MCPH1: variants seen among roughly 807,000 people sequenced by gnomAD.
MCPH1 encodes the protein microcephalin 1.
Under a neutral mutation model 84.5 loss-of-function variants are expected in MCPH1, and 104 were observed. That is an observed-to-expected ratio of 1.23 (90% CI 1.05 to 1.45). MCPH1 has a LOEUF of 1.45. Ranked by LOEUF, MCPH1 falls within the 40% of genes most tolerant of loss-of-function variation. The pLI is 0.00. For synonymous variants in MCPH1, 514 were observed against 366.8 expected, an observed-to-expected ratio of 1.40 and a Z score of -4.58; for missense variants, 1,498 against 1,005.7, an observed-to-expected ratio of 1.49 and a Z score of -6.62.
Position 6,522,429 on chromosome 8 carries a change from A to T in MCPH1, c.2214+22500A>T, listed in dbSNP as rs149502031. Among the ~76,000 whole-genome samples the T allele has an allele frequency of 1.4e-3, 208 of 152,182 alleles. 5 individuals are homozygous for T. The highest frequency in any genetic ancestry group is 4.8e-3 in the African/African-American group (199 of 41,514). ...ATTAACAGTCAATGAATGTTTGTTA[A>T]CGTTAATATAGACATTATTATTCCC... On this transcript the variant is annotated intron_variant, in intron 12 of 13. Coordinates refer to ENST00000344683, the MANE Select transcript of MCPH1 (RefSeq NM_024596.5).
chr8:6,518,356 T>C (rs77367203), intron 12 of MCPH1, among the ~76,000 whole-genome samples: 439 of 152,316 alleles, frequency 2.9e-3, no homozygotes, highest in Middle Eastern at 6.8e-3. Flanking sequence ...CTAGAGTCTG[T>C]TCGTTGCCTT....
At chr8:6,474,237 G>T in intron 9 of MCPH1, 2 of 605,812 alleles carry the variant, frequency 3.3e-6, no homozygotes, top group Non-Finnish European at 3.0e-6. Flanking sequence ...TCATACAATT[G>T]CTTTTCTCAA....
At chr8:6,494,412 G>A (rs555477951) in intron 11 of MCPH1, 3 of 152,170 alleles carry the variant, frequency 2.0e-5, no homozygotes, top group Admixed American at 6.5e-5. Context: ...TAATGGATAA[G>A]GCAGTGGATT....
At chr8:6,627,005 C>T in intron 13 of MCPH1, 5 of 984,770 alleles carry the variant, frequency 5.1e-6, no homozygotes, top group Non-Finnish European at 6.0e-6. Flanking sequence ...AAAAGTTTAG[C>T]CTCCGCCTGA....
intron 1 of MCPH1, among the ~76,000 whole-genome samples, chr8:6,408,032 G>A (rs964891255): frequency 2.6e-5 from 4 of 152,182 alleles, no homozygotes; most frequent in Non-Finnish European, 5.9e-5. Flanking sequence ...GGCAAATACT[G>A]TATTGGCCAC....
At chr8:6,542,915 G>C (rs924012577) in intron 12 of MCPH1, among the ~76,000 whole-genome samples, 6 of 152,190 alleles carry the variant, frequency 3.9e-5, no homozygotes, top group Admixed American at 3.3e-4. Context: ...TAATTTTCTA[G>C]AAGACATTTT....
chr8:6,406,993 A>T (rs1471319320), intron 1 of MCPH1: 1 of 287,974 alleles, frequency 3.5e-6, no homozygotes, highest in South Asian at 2.6e-5. Flanking sequence ...CTTGTGCCCC[A>T]ACCCCCGTGC....
intron 3 of MCPH1, among the ~76,000 whole-genome samples, chr8:6,425,022 A>G (rs1182523763): frequency 6.6e-6 from 1 of 152,248 alleles, no homozygotes; most frequent in African/African-American, 2.4e-5. Context: ...GCAGTTTGGC[A>G]CAAGAGTAGC....
At chr8:6,569,651 C>T (rs1826497490) in intron 12 of MCPH1, among the ~76,000 whole-genome samples, 1 of 152,210 alleles carries the variant, frequency 6.6e-6, no homozygotes, top group South Asian at 2.1e-4. Flanking sequence ...CAAGAATTCC[C>T]TTAGCCAAGT....
intron 9 of MCPH1, among the ~76,000 whole-genome samples, chr8:6,456,952 G>A (rs989625509): frequency 1.3e-5 from 2 of 152,058 alleles, no homozygotes; most frequent in Non-Finnish European, 2.9e-5. Flanking sequence ...TGGGAGATGG[G>A]TACCTGTTTG....
chr8:6,473,842 T>A, intron 9 of MCPH1: 1 of 1,417,076 alleles, frequency 7.1e-7, no homozygotes, highest in Non-Finnish European at 9.4e-7. Flanking sequence ...GCCTTATAAG[T>A]CAAGAGTTAT....
intron 12 of MCPH1, among the ~76,000 whole-genome samples, chr8:6,526,317 C>G (rs1245146014): frequency 6.7e-6 from 1 of 150,050 alleles, no homozygotes; most frequent in East Asian, 1.9e-4. Flanking sequence ...GCCTGTAGTC[C>G]CAGCTACTCA....
intron 11 of MCPH1, among the ~76,000 whole-genome samples, chr8:6,484,232 C>A (rs562969640): frequency 1.3e-5 from 2 of 152,178 alleles, no homozygotes; most frequent in South Asian, 2.1e-4. Flanking sequence ...ACAGCTCAAA[C>A]AAAAAATGGC....
In MCPH1 at chr8:6,434,793, G is replaced by A. The variant is rs79338802; in HGVS notation, c.322-1255G>A. ...CTACCCATGTAAGCAAATTTGGGCT[G>A]GTAGCTTCGCGCTGAAAACGAAGGA... On this transcript the variant is annotated intron_variant, in intron 4 of 13. Transcript: ENST00000344683. Among the ~76,000 whole-genome samples, 592 of 152,288 alleles carry A rather than the reference G, an allele frequency of 3.9e-3. 2 individuals are homozygous for A. Among genetic ancestry groups the A allele is most frequent in the African/African-American group, 0.014 (570 of 41,552 alleles).
At chr8:6,626,661 C>T in intron 13 of MCPH1, 1 of 984,858 alleles carries the variant, frequency 1.0e-6, no homozygotes, top group Non-Finnish European at 1.2e-6. Context: ...CCCCAACACT[C>T]CCATGACATA....
At chr8:6,421,300 G>A (rs1014370636) in intron 3 of MCPH1, among the ~76,000 whole-genome samples, 1 of 152,134 alleles carries the variant, frequency 6.6e-6, no homozygotes, top group Non-Finnish European at 1.5e-5. Context: ...CTTTTAGAGA[G>A]GCAATGTGAT....
chr8:6,445,862 C>T (rs1324140733), intron 8 of MCPH1: 5 of 1,079,030 alleles, frequency 4.6e-6, no homozygotes, highest in Non-Finnish European at 5.6e-6. Context: ...TTCCTTATTC[C>T]ATTGGAGTCT....
intron 12 of MCPH1, among the ~76,000 whole-genome samples, chr8:6,604,057 C>T (rs1057023732): frequency 6.6e-6 from 1 of 151,306 alleles, no homozygotes; most frequent in Admixed American, 6.6e-5. Flanking sequence ...CGCACACACA[C>T]CCTGGCCAGT....
rs1433197784 is a variant in MCPH1, at chr8:6,503,002, GT to G, written c.2214+3074del. The G allele has an allele frequency of 4.2e-6, 6 of 1,412,106 alleles. No individual in the cohort carries two copies. The East Asian group carries it at 9.1e-5, about 22-fold the overall frequency. The allele number at this position is 1,412,106 out of a possible 1,614,324, so 87.5% of individuals were successfully genotyped here. ...CGTCAGCACCGAGCACACGCCCTCT[GT>G]GGTGGAAGAGGACACAGTGCGCAGC... On this transcript the variant is annotated intron_variant, in intron 12 of 13. Transcript: ENST00000344683.
Sources: gnomAD v4.1 joint callset for allele counts (sites outside exome capture counted in the v4.1 genomes callset) on GRCh38, gnomAD v4.1.1 for gene constraint, MANE v1.5 for transcripts, NCBI Gene and HGNC (gene_info 2026-07-23, HGNC 2026-07-21) for gene names.